HDAC4: variants seen among roughly 807,000 people sequenced by gnomAD.
The protein encoded by HDAC4 is histone deacetylase 4.
In HDAC4, 16 loss-of-function variants were observed where a neutral mutation model predicts 135.1. The ratio of observed to expected loss-of-function variants is 0.12; its 90% CI spans 0.08 to 0.18. HDAC4 has a LOEUF of 0.18. Among genes scored for constraint, HDAC4 ranks in the 10% least tolerant of loss-of-function variants. The probability of loss-of-function intolerance (pLI) is 1.00; values close to 1 mark genes in which losing one functional copy is unlikely to be tolerated. For missense variants in HDAC4, 1,143 were observed against 1,511.8 expected (o/e 0.76, Z 4.05); for synonymous variants, 685 against 653.4 (o/e 1.05, Z -0.74).
At chr2:239,244,156 C>A (rs967699098) in intron 2 of HDAC4, among the ~76,000 whole-genome samples, 1 of 152,210 alleles carries the variant, frequency 6.6e-6, no homozygotes, top group African/African-American at 2.4e-5. Flanking sequence ...ACTTCATGGG[C>A]AACGGCAGAG....
At chr2:239,194,995 G>A (rs1005357409) in intron 3 of HDAC4, among the ~76,000 whole-genome samples, 26 of 152,218 alleles carry the variant, frequency 1.7e-4, no homozygotes, top group Non-Finnish European at 2.9e-5. Context: ...GTCCCCTGAG[G>A]AGCAGGGAGG....
rs7566403 is a variant in HDAC4, at chr2:239,120,376, C to T, written c.1534-5066G>A. Among the ~76,000 whole-genome samples, 563 of 151,878 alleles carry T rather than the reference C, an allele frequency of 3.7e-3. 2 individuals carry two copies. The highest frequency in any genetic ancestry group is 0.012 in the African/African-American group (483 of 41,394). Reference sequence around the variant, plus strand: ...ACATACACACACAGATACATATACCCGCAGAGGCACACACAGACGCACACA... The same window carrying T: ...ACATACACACACAGATACATATACCTGCAGAGGCACACACAGACGCACACA... On this transcript the variant is annotated intron_variant, in intron 12 of 26. Transcript: ENST00000543185.
intron 18 of HDAC4, 74 bp from the exon 19 acceptor site, chr2:239,087,688 A>G: frequency 7.0e-7 from 1 of 1,421,152 alleles, no homozygotes; most frequent in Non-Finnish European, 9.9e-7. Flanking sequence ...ATGGTTGCAC[A>G]CTCAACTTTT....
intron 3 of HDAC4, among the ~76,000 whole-genome samples, chr2:239,216,668 C>G (rs2046656639): frequency 6.6e-6 from 1 of 152,226 alleles, no homozygotes. Context: ...GAAGCTCCAC[C>G]TGCCAGACCC....
At chr2:239,145,478 C>T (rs1387324766) in intron 7 of HDAC4, among the ~76,000 whole-genome samples, 1 of 152,258 alleles carries the variant, frequency 6.6e-6, no homozygotes, top group Non-Finnish European at 1.5e-5. Flanking sequence ...GCATCTGGAA[C>T]CCAAACCTCC....
chr2:239,179,745 G>A (rs978444061), intron 4 of HDAC4, among the ~76,000 whole-genome samples: 8 of 152,354 alleles, frequency 5.3e-5, no homozygotes, highest in Admixed American at 4.6e-4. Flanking sequence ...AGGCAACCCC[G>A]ACAGAGTAGG....
At chr2:239,116,590 T>G (rs2039154513) in intron 12 of HDAC4, among the ~76,000 whole-genome samples, 1 of 152,166 alleles carries the variant, frequency 6.6e-6, no homozygotes, top group Non-Finnish European at 1.5e-5. Context: ...GCGTCAACGC[T>G]TTGCAATCTT....
rs1200511338 is a variant in HDAC4 at position 239,400,256 on chromosome 2, G to A, written c.-220+722C>T. The A allele has an allele frequency of 1.3e-5, 2 of 151,330 alleles. No homozygotes were observed. The highest frequency in any genetic ancestry group is 2.4e-5 in the African/African-American group (1 of 41,310). The allele number at this position is 151,330 out of a possible 1,614,324, so 9.4% of individuals were successfully genotyped here. On this transcript the variant is annotated intron_variant, in intron 1 of 26. Coordinates refer to ENST00000543185, the MANE Select transcript of HDAC4 (RefSeq NM_001378414.1). The surrounding 1 kb of genome is among the most constrained non-coding windows in gnomAD (Gnocchi z 4.7). ...CGGCGACGACAAGCGCGGGGCCGCG[G>A]ACCCCCGGCAGGGACGTTTTTCTGC... is the stretch of plus-strand genomic sequence containing the variant.
intron 25 of HDAC4, 33 bp from the exon 26 acceptor site, chr2:239,053,634 GACT>G (rs2031254589): frequency 1.2e-6 from 2 of 1,607,158 alleles, no homozygotes; most frequent in Admixed American, 1.7e-5. Context: ...GTCGCTCAGT[GACT>G]ACAACTTAGC....
chr2:239,120,776 C>T (rs1487531290), intron 12 of HDAC4, among the ~76,000 whole-genome samples: 5 of 151,866 alleles, frequency 3.3e-5, no homozygotes, highest in Admixed American at 2.6e-4. Flanking sequence ...AGGGCAGCAA[C>T]CCCATAGAGG....
chr2:239,062,334 C>T (rs1190608805), intron 24 of HDAC4, among the ~76,000 whole-genome samples: 7 of 152,222 alleles, frequency 4.6e-5, no homozygotes, highest in South Asian at 2.1e-4. Flanking sequence ...AGGCCACTGC[C>T]GTCACAGCTG....
rs1224089765 is a variant in HDAC4, at chr2:239,068,539, G to C, written c.2819C>G (p.Ala940Gly). Residue 940 changes from alanine (A) to glycine (G), a missense_variant, in exon 23 of 27, where the codon GCC becomes GGC. Ala to Gly is a moderately conservative substitution (Grantham distance 60). This residue lies in a region of HDAC4 where 189 missense variants were observed against 317.6 expected (regional missense o/e 0.60). Coordinates refer to ENST00000543185, the MANE Select transcript of HDAC4 (RefSeq NM_001378414.1). The surrounding 1 kb of genome is among the most constrained non-coding windows in gnomAD (Gnocchi z 4.4). ...AAGAGGGGTGGGGTGGCCCTCCACG[G>C]CATCGAAGCCTGATGACACCAGCAC... is the stretch of plus-strand genomic sequence containing the variant. ...DVVLVSSGFDAVEGHPTPLGG... is the reference protein window; with the variant it reads ...DVVLVSSGFDGVEGHPTPLGG... 1 of 1,614,030 alleles carries C rather than the reference G, an allele frequency of 6.2e-7. No homozygotes were observed. The highest frequency in any genetic ancestry group is 1.7e-5 in the Admixed American group (1 of 60,028).
intron 14 of HDAC4, among the ~76,000 whole-genome samples, chr2:239,109,172 C>T (rs1000861656): frequency 6.6e-6 from 1 of 152,248 alleles, no homozygotes; most frequent in Admixed American, 6.5e-5. Flanking sequence ...GTGCTGCACA[C>T]ACCTGGTCTT....
intron 3 of HDAC4, among the ~76,000 whole-genome samples, chr2:239,203,750 T>C (rs1262699768): frequency 1.3e-5 from 2 of 152,090 alleles, no homozygotes; most frequent in African/African-American, 4.8e-5. Flanking sequence ...GGCTGGGGAT[T>C]CCTCAGTCTG....
At chr2:239,382,696 G>T (rs1034546252) in intron 1 of HDAC4, among the ~76,000 whole-genome samples, 5 of 152,174 alleles carry the variant, frequency 3.3e-5, no homozygotes, top group African/African-American at 1.2e-4. Context: ...CACCGTGATG[G>T]GAGCTTTCTT....
chr2:239,191,493 G>A (rs1285896495), intron 3 of HDAC4, among the ~76,000 whole-genome samples: 1 of 152,266 alleles, frequency 6.6e-6, no homozygotes, highest in African/African-American at 2.4e-5. Context: ...CCAGGCAGCA[G>A]GTCCCACACT....
chr2:239,327,824 G>T (rs978689620), intron 2 of HDAC4, among the ~76,000 whole-genome samples: 1 of 152,218 alleles, frequency 6.6e-6, no homozygotes, highest in African/African-American at 2.4e-5. Flanking sequence ...GCCAAGCCCT[G>T]CCTGGTTCCT....
intron 1 of HDAC4, among the ~76,000 whole-genome samples, chr2:239,381,360 C>G (rs1695403783): frequency 6.6e-6 from 1 of 152,130 alleles, no homozygotes; most frequent in Non-Finnish European, 1.5e-5. Context: ...AAAACACGCT[C>G]TGGCTGGGAA....
chr2:239,054,006 T>G (rs1202135440), intron 25 of HDAC4, among the ~76,000 whole-genome samples: 1 of 151,148 alleles, frequency 6.6e-6, no homozygotes, highest in Non-Finnish European at 1.5e-5. Flanking sequence ...GGCTGAGGGG[T>G]CTTCTGCCTG....
Sources: allele counts gnomAD v4.1 joint callset (sites outside exome capture counted in the v4.1 genomes callset), GRCh38; gene constraint gnomAD v4.1.1; regional missense constraint gnomAD v4.1.1; non-coding constraint Gnocchi (gnomAD v3.1); transcripts MANE v1.5; gene names NCBI Gene and HGNC (gene_info 2026-07-23, HGNC 2026-07-21).